PTPRN2: variants seen among roughly 807,000 people sequenced by gnomAD.
The protein encoded by PTPRN2 is receptor-type tyrosine-protein phosphatase N2.
In PTPRN2, 74 loss-of-function variants were observed where a neutral mutation model predicts 118.8. The ratio of observed to expected loss-of-function variants is 0.62; its 90% confidence interval spans 0.52 to 0.76. The LOEUF (loss-of-function observed/expected upper bound fraction) is 0.76. Among genes scored for constraint, PTPRN2 ranks in the 30% least tolerant of loss-of-function variants. The probability of loss-of-function intolerance (pLI) is 0.00; values close to 1 mark genes in which losing one functional copy is unlikely to be tolerated. For synonymous variants in PTPRN2, 641 were observed against 608.0 expected (o/e 1.05, Z -0.80); for missense variants, 1,481 against 1,394.4 (o/e 1.06, Z -0.99).
chr7:158,559,670 C>T (rs1827253757), intron 1 of PTPRN2, among the ~76,000 whole-genome samples: 1 of 152,158 alleles, frequency 6.6e-6, no homozygotes, highest in Non-Finnish European at 1.5e-5. Flanking sequence ...CACCTTTTGG[C>T]CCCTTCCCTG....
intron 2 of PTPRN2, among the ~76,000 whole-genome samples, chr7:158,481,957 C>A (rs1327287763): frequency 6.6e-6 from 1 of 152,160 alleles, no homozygotes; most frequent in Non-Finnish European, 1.5e-5. Flanking sequence ...AGGCTGAGTC[C>A]AACCCTCATG....
intron 3 of PTPRN2, among the ~76,000 whole-genome samples, chr7:158,259,361 C>T (rs1218717038): frequency 1.3e-5 from 2 of 152,152 alleles, no homozygotes; most frequent in Non-Finnish European, 2.9e-5. Context: ...GCCACCCTTC[C>T]GGGCAGGGCA....
At chr7:158,031,911 C>T (rs997433666) in intron 11 of PTPRN2, among the ~76,000 whole-genome samples, 3 of 152,210 alleles carry the variant, frequency 2.0e-5, no homozygotes, top group African/African-American at 4.8e-5. Flanking sequence ...GCTCTGCAGC[C>T]GGCGCTCCGG....
At chr7:158,504,489 G>A (rs1822601032) in intron 1 of PTPRN2, among the ~76,000 whole-genome samples, 1 of 152,174 alleles carries the variant, frequency 6.6e-6, no homozygotes, top group Non-Finnish European at 1.5e-5. Flanking sequence ...GAGGATAACA[G>A]CTTCCCGCTC....
At chr7:158,019,790 C>A (rs537246571) in intron 11 of PTPRN2, among the ~76,000 whole-genome samples, 2 of 152,224 alleles carry the variant, frequency 1.3e-5, no homozygotes, top group South Asian at 4.1e-4. Context: ...AGCCGCGCAG[C>A]ATGAAACGGA....
intron 3 of PTPRN2, among the ~76,000 whole-genome samples, chr7:158,231,626 T>C (rs1585916051): frequency 6.6e-6 from 1 of 152,308 alleles, no homozygotes; most frequent in East Asian, 1.9e-4. Flanking sequence ...CAAATAGGCT[T>C]GACTGACATT....
chr7:158,087,186 TA>T (rs1481403375), intron 10 of PTPRN2, among the ~76,000 whole-genome samples: 1 of 152,196 alleles, frequency 6.6e-6, no homozygotes, highest in African/African-American at 2.4e-5. Context: ...ATCCACTCTC[TA>T]AATTGACTAT....
chr7:157,695,496 T>A (rs997486890), intron 12 of PTPRN2, among the ~76,000 whole-genome samples: 4 of 152,170 alleles, frequency 2.6e-5, no homozygotes, highest in Admixed American at 2.6e-4. Context: ...CTTAAAAATA[T>A]TGTAGGTATG....
intron 6 of PTPRN2, among the ~76,000 whole-genome samples, chr7:158,149,603 G>T (rs1173691487): frequency 6.6e-6 from 1 of 152,130 alleles, no homozygotes; most frequent in African/African-American, 2.4e-5. Context: ...AGGAGTTCGA[G>T]ACCAGCCTGG....
rs1479346764 is a variant in PTPRN2, at chr7:157,550,782, G to A, written c.2903-1763C>T. 6.6e-6 allele frequency among the ~76,000 whole-genome samples: 1 copy of A among 152,234 alleles called. No homozygotes were observed. Among genetic ancestry groups the A allele is most frequent in the Admixed American group, 6.5e-5 (1 of 15,290 alleles). Reference sequence around the variant, plus strand: ...GGCAGCCCGTGAGCTCGGCCACCAGGGAACTAGCTGGCAGCTCACGCGGGT... The same window carrying A: ...GGCAGCCCGTGAGCTCGGCCACCAGAGAACTAGCTGGCAGCTCACGCGGGT... On this transcript the variant is annotated intron_variant, in intron 21 of 22. Coordinates refer to ENST00000389418, the MANE Select transcript of PTPRN2 (RefSeq NM_002847.5). The surrounding 1 kb of genome is among the most constrained non-coding windows in gnomAD (Gnocchi z 5.2).
At chr7:157,581,211 A>G (rs988718650) in intron 17 of PTPRN2, among the ~76,000 whole-genome samples, 2 of 152,234 alleles carry the variant, frequency 1.3e-5, no homozygotes, top group African/African-American at 4.8e-5. Context: ...ATCGAACCAA[A>G]GTCACCAACA....
intron 8 of PTPRN2, among the ~76,000 whole-genome samples, chr7:158,135,056 C>G (rs1032454793): frequency 6.6e-6 from 1 of 152,160 alleles, no homozygotes; most frequent in Admixed American, 6.5e-5. Context: ...CTGGCACATA[C>G]CAGGCAACCC....
intron 12 of PTPRN2, among the ~76,000 whole-genome samples, chr7:157,852,863 CAAAAAAA>C (rs58298308): frequency 9.7e-6 from 1 of 102,704 alleles, no homozygotes; most frequent in African/African-American, 3.9e-5. Flanking sequence ...GCAAGTCTCT[CAAAAAAA>C]AAAAAAAAAA....
chr7:157,733,953 G>T (rs1353889622), intron 12 of PTPRN2, among the ~76,000 whole-genome samples: 5 of 44,020 alleles, frequency 1.1e-4, no homozygotes, highest in Non-Finnish European at 1.0e-4. Context: ...CGTCCCATGC[G>T]CCCAGCACAG....
chr7:158,123,416 G>A (rs879874170), intron 9 of PTPRN2, among the ~76,000 whole-genome samples: 6 of 152,110 alleles, frequency 3.9e-5, no homozygotes, highest in Admixed American at 1.3e-4. Context: ...CGCAGTGACC[G>A]ACACCATGTC....
At chr7:158,392,591 G>A (rs4909205) in intron 2 of PTPRN2, among the ~76,000 whole-genome samples, 61,342 of 152,064 alleles carry the variant, frequency 0.4, 13,953 homozygotes, top group East Asian at 0.75. Flanking sequence ...CCTTGTGTCC[G>A]TGGGGGAGGA....
chr7:157,630,833 C>T (rs935789192), intron 14 of PTPRN2, among the ~76,000 whole-genome samples: 2 of 152,132 alleles, frequency 1.3e-5, no homozygotes, highest in Non-Finnish European at 2.9e-5. Context: ...CGCTTTTGAT[C>T]ACATTTTAAA....
chr7:158,524,400 G>A (rs376520065), intron 1 of PTPRN2, among the ~76,000 whole-genome samples: 4 of 128,000 alleles, frequency 3.1e-5, no homozygotes, highest in Admixed American at 7.7e-5. Flanking sequence ...GAGTGGAGTC[G>A]TCTGCCCTGG....
chr7:157,623,038 G>C (rs555246234), intron 14 of PTPRN2, among the ~76,000 whole-genome samples: 1 of 152,308 alleles, frequency 6.6e-6, no homozygotes, highest in African/African-American at 2.4e-5. Context: ...GTGCATGGAA[G>C]AAGCACCCCA....
Sources: gnomAD v4.1 joint callset for allele counts (sites outside exome capture counted in the v4.1 genomes callset) on GRCh38, gnomAD v4.1.1 for gene constraint, Gnocchi (gnomAD v3.1) non-coding constraint, MANE v1.5 for transcripts, NCBI Gene and HGNC (gene_info 2026-07-23, HGNC 2026-07-21) for gene names.